The following UPF2 variants were observed in gnomAD, a reference collection of about 807,000 sequenced individuals.
UPF2 encodes regulator of nonsense transcripts 2.
A neutral mutation model predicts 141.4 loss-of-function variants in UPF2; 17 were observed. The ratio of observed to expected loss-of-function variants is 0.12; its 90% confidence interval spans 0.08 to 0.18. The LOEUF (loss-of-function observed/expected upper bound fraction) is 0.18. UPF2 is among the 10% of genes least tolerant of loss of function. UPF2 has a pLI of 1.00. For missense variants in UPF2, 1,152 were observed against 1,515.9 expected, an observed-to-expected ratio of 0.76 and a Z score of 3.99; for synonymous variants, 540 against 498.0, an observed-to-expected ratio of 1.08 and a Z score of -1.12.
At position 11,931,666 on chromosome 10, in the gene UPF2, T is replaced by C. The variant is rs1375283104; in HGVS notation, c.3663A>G (p.Glu1221=). 3 of 1,607,060 alleles carry C rather than the reference T, an allele frequency of 1.9e-6. No individual in the cohort carries two copies. Among genetic ancestry groups the C allele is most frequent in the Non-Finnish European group, 2.5e-6 (3 of 1,178,580 alleles). ...CTTGATAATCTTCTTGTTCTTGCCG[T>C]TCATTGATATCTAGTGTGAGCTTTT... The part of the protein sequence containing the change: ...RMKKLTLDIN[E]RQEQEDYQEM... Residue 1221 remains glutamate (E), a synonymous_variant, in exon 20 of 22, where the codon GAA becomes GAG. Coordinates refer to ENST00000357604, the MANE Select transcript of UPF2 (RefSeq NM_015542.4). The surrounding 1 kb of genome is among the most constrained non-coding windows in gnomAD (Gnocchi z 5.9).
chr10:11,973,234 T>A (rs1400655190), intron 9 of UPF2, among the ~76,000 whole-genome samples: 1 of 152,260 alleles, frequency 6.6e-6, no homozygotes, highest in Admixed American at 6.5e-5. Flanking sequence ...CGGGGCTGTT[T>A]AATTTTTTCT....
chr10:11,921,068 G>C lies in UPF2; in HGVS notation c.*230C>G. 1.3e-6 allele frequency: 1 copy of C among 756,974 alleles called. No homozygotes were observed. Among genetic ancestry groups the C allele is most frequent in the Non-Finnish European group, 2.5e-6 (1 of 404,150 alleles). 46.9% of individuals were successfully genotyped at this position (756,974 alleles called of 1,614,324 possible). On this transcript the variant is annotated 3_prime_UTR_variant, in exon 22 of 22. Coordinates refer to ENST00000357604, the MANE Select transcript of UPF2 (RefSeq NM_015542.4). This position sits in a 1 kb window ranked among gnomAD's most constrained non-coding sequence, Gnocchi z 5.9. ...CTCAAGAGAAGATTAACCCTCGCGA[G>C]ATTTCCATTACAAAAGGCCTTTTCC... is the stretch of plus-strand genomic sequence containing the variant.
intron 4 of UPF2, among the ~76,000 whole-genome samples, chr10:12,012,933 G>GT (rs1325570601): frequency 6.6e-6 from 1 of 151,996 alleles, no homozygotes; most frequent in Non-Finnish European, 1.5e-5. Context: ...GAGCTAAGGA[G>GT]TTTGAGACCA....
chr10:11,952,681 A>G (rs560598992), intron 14 of UPF2, among the ~76,000 whole-genome samples: 184 of 151,998 alleles, frequency 1.2e-3, no homozygotes, highest in East Asian at 8.1e-3. Context: ...TCACTGTGTT[A>G]GCCAGGATGT....
At chr10:11,994,538 T>C (rs917295330) in intron 8 of UPF2, among the ~76,000 whole-genome samples, 2 of 152,200 alleles carry the variant, frequency 1.3e-5, no homozygotes, top group African/African-American at 4.8e-5. Flanking sequence ...ATATAATGTT[T>C]TCTACTTCTG....
chr10:11,934,787 A>G (rs963094963), intron 19 of UPF2, among the ~76,000 whole-genome samples: 1 of 151,998 alleles, frequency 6.6e-6, no homozygotes, highest in South Asian at 2.1e-4. Flanking sequence ...ACGGGGTTTC[A>G]CTATGTTGGT....
intron 6 of UPF2, among the ~76,000 whole-genome samples, chr10:12,001,455 G>T (rs2048019): frequency 0.38 from 57,541 of 151,866 alleles, 13,127 homozygotes; most frequent in Non-Finnish European, 0.51. Flanking sequence ...TAGAACTAAG[G>T]TATTTAAAAT....
intron 2 of UPF2, among the ~76,000 whole-genome samples, chr10:12,030,919 A>G (rs1834509206): frequency 6.6e-6 from 1 of 150,900 alleles, no homozygotes; most frequent in Non-Finnish European, 1.5e-5. Context: ...TCATGCCTGT[A>G]ATCCCAGCAC....
intron 18 of UPF2, among the ~76,000 whole-genome samples, chr10:11,941,349 G>A (rs1055384000): frequency 5.3e-5 from 8 of 152,160 alleles, no homozygotes; most frequent in African/African-American, 1.4e-4. Flanking sequence ...TAACATAAAT[G>A]TAAGATTTAT....
intron 8 of UPF2, among the ~76,000 whole-genome samples, chr10:11,985,532 G>A (rs1833674179): frequency 6.6e-6 from 1 of 151,352 alleles, no homozygotes; most frequent in Admixed American, 6.6e-5. Context: ...AGCTACTCGG[G>A]AGGCTGAGGC....
At chr10:11,993,341 T>C (rs1588557897) in intron 8 of UPF2, among the ~76,000 whole-genome samples, 2 of 152,242 alleles carry the variant, frequency 1.3e-5, no homozygotes, top group East Asian at 3.9e-4. Flanking sequence ...GCTGGAATCC[T>C]AGTAGCTATT....
In UPF2 at chr10:11,921,606, A is replaced by G. The variant is rs542936011; in HGVS notation, c.3810-299T>C. ...ATGTAAAGTACACGGGAGGATGTGC[A>G]TATGTTATACATAAATGCTACACCA... On this transcript the variant is annotated intron_variant, in intron 21 of 21. Coordinates refer to ENST00000357604, the MANE Select transcript of UPF2 (RefSeq NM_015542.4). This position sits in a 1 kb window ranked among gnomAD's most constrained non-coding sequence, Gnocchi z 5.9. 5.3e-5 allele frequency among the ~76,000 whole-genome samples: 8 copies of G among 152,370 alleles called. No individual in the cohort carries two copies. Among genetic ancestry groups the G allele is most frequent in the African/African-American group, 1.4e-4 (6 of 41,586 alleles).
At chr10:12,021,802 C>G (rs1284732350) in intron 3 of UPF2, among the ~76,000 whole-genome samples, 1 of 152,110 alleles carries the variant, frequency 6.6e-6, no homozygotes, top group Non-Finnish European at 1.5e-5. Flanking sequence ...GGTTTTATAT[C>G]TCCTCCAGCA....
intron 15 of UPF2, among the ~76,000 whole-genome samples, chr10:11,951,030 C>T (rs886863369): frequency 1.3e-5 from 2 of 152,100 alleles, no homozygotes; most frequent in African/African-American, 4.8e-5. Flanking sequence ...CAAACACTAG[C>T]TTAATAGTCT....
chr10:11,997,710 C>T lies in UPF2; in HGVS notation c.1806G>A (p.Lys602=), dbSNP rs531760338. Residue 602 remains lysine, a synonymous_variant, in exon 8 of 22, where the codon AAG becomes AAA. Coordinates refer to ENST00000357604, the MANE Select transcript of UPF2 (RefSeq NM_015542.4). ...CMNMNTKANR[K]KLVRALFIVP... The stretch of plus-strand genomic sequence containing the variant: ...CTATGAAGAGTGCCCGTACCAACTT[C>T]TTCCTGTTTGCTTTTGTGTTCATGT... 1 of 1,613,872 alleles carries T rather than the reference C, an allele frequency of 6.2e-7. No individual in the cohort carries two copies. Among genetic ancestry groups the T allele is most frequent in the South Asian group, 1.1e-5 (1 of 91,078 alleles).
At chr10:11,995,544 G>C (rs1436456805) in intron 8 of UPF2, among the ~76,000 whole-genome samples, 1 of 152,130 alleles carries the variant, frequency 6.6e-6, no homozygotes, top group African/African-American at 2.4e-5. Flanking sequence ...CAGCACTTTG[G>C]GAGGCTGAGG....
chr10:11,932,865 CAACA>C lies in UPF2; in HGVS notation c.3547-1087_3547-1084del, dbSNP rs909801476. Among the ~76,000 whole-genome samples, 65 of 152,194 alleles carry C rather than the reference CAACA, an allele frequency of 4.3e-4. 1 individual carries two copies. Among genetic ancestry groups the C allele is most frequent in the Non-Finnish European group, 8.4e-4 (57 of 67,990 alleles). On this transcript the variant is annotated intron_variant, in intron 19 of 21. Coordinates refer to ENST00000357604, the MANE Select transcript of UPF2 (RefSeq NM_015542.4). Reference sequence around the variant, plus strand: ...ACTATCAATTATTCTAGTCAAAATACAACAAATAACTCCTTATATAAATATTAAT... The same window carrying C: ...ACTATCAATTATTCTAGTCAAAATACAATAACTCCTTATATAAATATTAAT...
At chr10:11,982,576 T>C (rs1296976369) in intron 8 of UPF2, among the ~76,000 whole-genome samples, 1 of 152,142 alleles carries the variant, frequency 6.6e-6, no homozygotes, top group Non-Finnish European at 1.5e-5. Flanking sequence ...TTCCGAATAC[T>C]CCAAGGAAAC....
At position 12,016,482 on chromosome 10, in the gene UPF2, T is replaced by C. The variant is rs1834222251; in HGVS notation, c.1146-2298A>G. Among the ~76,000 whole-genome samples, 1 of 148,914 alleles carries C rather than the reference T, an allele frequency of 6.7e-6. No individual in the cohort carries two copies. Among genetic ancestry groups the C allele is most frequent in the Non-Finnish European group, 1.5e-5 (1 of 67,260 alleles). Reference sequence around the variant, plus strand: ...AGGCCGAGGTGGGAGGATCACAAGGTCAGGAGTTTGAGACCAGCCTGGCCA... The same window carrying C: ...AGGCCGAGGTGGGAGGATCACAAGGCCAGGAGTTTGAGACCAGCCTGGCCA... On this transcript the variant is annotated intron_variant, in intron 3 of 21. Coordinates refer to ENST00000357604, the MANE Select transcript of UPF2 (RefSeq NM_015542.4). This position sits in a 1 kb window ranked among gnomAD's most constrained non-coding sequence, Gnocchi z 4.1.
Sources: allele counts gnomAD v4.1 joint callset (sites outside exome capture counted in the v4.1 genomes callset), GRCh38; gene constraint gnomAD v4.1.1; non-coding constraint Gnocchi (gnomAD v3.1); transcripts MANE v1.5; gene names NCBI Gene and HGNC (gene_info 2026-07-23, HGNC 2026-07-21).